CRACDL: variants seen among roughly 807,000 people sequenced by gnomAD.
The protein encoded by CRACDL is CRACD like.
CRACDL carries 26 observed loss-of-function variants against 70.6 expected under a neutral mutation model. The ratio of observed to expected loss-of-function variants is 0.37; its 90% CI spans 0.27 to 0.51. CRACDL has a LOEUF of 0.51. Ranked by LOEUF, CRACDL falls within the 20% of genes least tolerant of loss-of-function variation. The pLI is 0.94. For synonymous variants in CRACDL, 618 were observed against 615.2 expected (o/e 1.00, Z -0.07); for missense variants, 1,283 against 1,376.9 (o/e 0.93, Z 1.08).
intron 1 of CRACDL, among the ~76,000 whole-genome samples, chr2:98,911,691 C>T (rs759328576): frequency 3.9e-5 from 6 of 152,126 alleles, no homozygotes; most frequent in Non-Finnish European, 7.3e-5. Flanking sequence ...TTTGTGAACC[C>T]GAATGCTGGT....
At chr2:98,929,533 A>G (rs1043761675) in intron 1 of CRACDL, among the ~76,000 whole-genome samples, 1 of 152,150 alleles carries the variant, frequency 6.6e-6, no homozygotes, top group Non-Finnish European at 1.5e-5. Context: ...ACCATCCCTG[A>G]GCACACAGTT....
chr2:98,935,909 G>A (rs1300845341), intron 1 of CRACDL, 29 bp downstream of exon 1: 6 of 152,262 alleles, frequency 3.9e-5, no homozygotes, highest in Admixed American at 2.6e-4. Flanking sequence ...CCTGCCTTGG[G>A]ACACGCGATT....
Position 98,907,421 on chromosome 2 carries a change from C to T in CRACDL, c.-11+28517G>A, listed in dbSNP as rs17022059. On this transcript the variant is annotated intron_variant, in intron 1 of 9. Coordinates refer to ENST00000397899, the MANE Select transcript of CRACDL (RefSeq NM_207362.3). Reference sequence around the variant, plus strand: ...GTCCTGGCCAGTAGTTGTTCTCTGCCGAGCCTCAAAGAGTTGTTCCCTGTG... The same window carrying T: ...GTCCTGGCCAGTAGTTGTTCTCTGCTGAGCCTCAAAGAGTTGTTCCCTGTG... Among the ~76,000 whole-genome samples, 260 of 152,302 alleles carry T rather than the reference C, an allele frequency of 1.7e-3. 7 individuals are homozygous for T. The East Asian group carries it at 0.044, about 26-fold the overall frequency.
At chr2:98,797,767 G>C (rs1410981384) in intron 7 of CRACDL, among the ~76,000 whole-genome samples, 1 of 152,200 alleles carries the variant, frequency 6.6e-6, no homozygotes, top group South Asian at 2.1e-4. Flanking sequence ...TATAGGGTCG[G>C]TGTGTACTTT....
At chr2:98,863,934 T>C (rs1412421855) in intron 1 of CRACDL, among the ~76,000 whole-genome samples, 1 of 152,188 alleles carries the variant, frequency 6.6e-6, no homozygotes, top group Non-Finnish European at 1.5e-5. Flanking sequence ...TACTTTTTAA[T>C]GCGTAGTGTT....
chr2:98,896,039 CCAGAAG>C (rs1708115166), intron 1 of CRACDL, among the ~76,000 whole-genome samples: 1 of 152,180 alleles, frequency 6.6e-6, no homozygotes, highest in African/African-American at 2.4e-5. Context: ...CAAACAATCT[CCAGAAG>C]TTTGTTACAC....
At chr2:98,816,048 G>C (rs188372894) in intron 7 of CRACDL, among the ~76,000 whole-genome samples, 26 of 143,736 alleles carry the variant, frequency 1.8e-4, no homozygotes, top group Non-Finnish European at 3.0e-4. Context: ...GGCTGGTGGT[G>C]GGGGGGTGCA....
At chr2:98,905,455 G>T (rs1040251399) in intron 1 of CRACDL, among the ~76,000 whole-genome samples, 12 of 152,060 alleles carry the variant, frequency 7.9e-5, no homozygotes, top group African/African-American at 2.9e-4. Flanking sequence ...AAATTACTAA[G>T]TCTCAGATAT....
intron 1 of CRACDL, among the ~76,000 whole-genome samples, chr2:98,909,874 C>T (rs1708502959): frequency 1.3e-5 from 2 of 152,170 alleles, no homozygotes; most frequent in South Asian, 2.1e-4. Context: ...AGAGTAGCTA[C>T]GGAAGCCAAC....
At chr2:98,797,303 G>T in intron 8 of CRACDL, 47 bp downstream of exon 8, 1 of 1,580,406 alleles carries the variant, frequency 6.3e-7, no homozygotes, top group Non-Finnish European at 8.7e-7. Context: ...GTCCCAGCTG[G>T]CTGCTCCCTC....
At chr2:98,890,029 T>C (rs1707921465) in intron 1 of CRACDL, among the ~76,000 whole-genome samples, 1 of 152,150 alleles carries the variant, frequency 6.6e-6, no homozygotes, top group African/African-American at 2.4e-5. Flanking sequence ...AGGATATTTA[T>C]AGCTGTAAGT....
At chr2:98,827,516 T>C (rs1275420987) in intron 5 of CRACDL, among the ~76,000 whole-genome samples, 2 of 152,210 alleles carry the variant, frequency 1.3e-5, no homozygotes, top group Non-Finnish European at 2.9e-5. Flanking sequence ...GGTCTTAAAC[T>C]CCTGACCTTG....
intron 1 of CRACDL, among the ~76,000 whole-genome samples, chr2:98,914,046 A>G (rs1377072223): frequency 6.6e-6 from 1 of 152,224 alleles, no homozygotes; most frequent in Non-Finnish European, 1.5e-5. Flanking sequence ...AAGGCTAAGC[A>G]ATCACCTCTG....
intron 7 of CRACDL, among the ~76,000 whole-genome samples, chr2:98,821,627 A>G (rs368776502): frequency 9.4e-4 from 143 of 152,346 alleles, no homozygotes; most frequent in African/African-American, 3.3e-3. Context: ...ATGTTTTAAG[A>G]AAGTTTACGA....
chr2:98,882,459 G>T (rs1347292626), intron 1 of CRACDL, among the ~76,000 whole-genome samples: 2 of 152,206 alleles, frequency 1.3e-5, no homozygotes, highest in Non-Finnish European at 2.9e-5. Context: ...TTTCAGAATT[G>T]TTGCAAGAGA....
At position 98,827,142 on chromosome 2, in the gene CRACDL, T is replaced by C. The variant is rs943639914; in HGVS notation, c.568A>G (p.Ser190Gly). 1 of 1,613,970 alleles carries C rather than the reference T, an allele frequency of 6.2e-7. No individual in the cohort carries two copies. The highest frequency in any genetic ancestry group is 1.3e-5 in the African/African-American group (1 of 74,970). Residue 190 changes from serine (S) to glycine (G), a missense_variant, in exon 6 of 10, where the codon AGC becomes GGC. This residue lies in a region of CRACDL where 362 missense variants were observed against 495.0 expected (regional missense o/e 0.73). Coordinates refer to ENST00000397899, the MANE Select transcript of CRACDL (RefSeq NM_207362.3). ...ATCCGGGCAGAGACGGTGCTGTCGC[T>C]CACGTGGTCTGGAGACACGACAGAG... The part of the protein sequence containing the change: ...KVSVVSPDHV[S>G]DSTVSARISD...
Position 98,821,943 on chromosome 2 carries a change from G to A in CRACDL, c.2330C>T (p.Pro777Leu). The A allele has an allele frequency of 6.4e-7, 1 of 1,557,062 alleles. No individual in the cohort carries two copies. The highest frequency in any genetic ancestry group is 2.4e-5 in the East Asian group (1 of 41,658). The change falls in exon 7 of 10, where the codon CCC becomes CTC. Residue 777 changes from proline to leucine, a missense_variant. Transcript: ENST00000397899. ...TCCCGGGCCGGCGTCGGGGGGCGCGGGCTGGTGCGGGAGCGTGAAGCTCTG... is the reference window on the plus strand; with the variant it reads ...TCCCGGGCCGGCGTCGGGGGGCGCGAGCTGGTGCGGGAGCGTGAAGCTCTG... ...LLQSFTLPHQ[P>L]APPDAGPGER...
intron 1 of CRACDL, among the ~76,000 whole-genome samples, chr2:98,869,711 G>C (rs1384543965): frequency 2.0e-5 from 3 of 152,208 alleles, no homozygotes; most frequent in African/African-American, 7.2e-5. Flanking sequence ...ATGTCCACTT[G>C]CTATCTCAGT....
At chr2:98,909,634 G>A (rs1248183377) in intron 1 of CRACDL, among the ~76,000 whole-genome samples, 4 of 152,126 alleles carry the variant, frequency 2.6e-5, no homozygotes, top group South Asian at 2.1e-4. Context: ...CTGCTGACCC[G>A]CCTGCTCTAA....
Sources: allele counts gnomAD v4.1 joint callset (sites outside exome capture counted in the v4.1 genomes callset), GRCh38; gene constraint gnomAD v4.1.1; regional missense constraint gnomAD v4.1.1; transcripts MANE v1.5; gene names NCBI Gene and HGNC (gene_info 2026-07-23, HGNC 2026-07-21).